Variants in EPHA7 observed in about 807,000 individuals in gnomAD.
EPHA7 encodes the protein ephrin type-A receptor 7.
In EPHA7, 25 loss-of-function variants were observed where a neutral mutation model predicts 112.6. The ratio of observed to expected loss-of-function variants is 0.22; its 90% CI spans 0.16 to 0.31. The LOEUF is 0.31. Among genes scored for constraint, EPHA7 ranks in the 10% least tolerant of loss-of-function variants. The pLI is 1.00. For missense variants in EPHA7, 962 were observed against 1,212.6 expected, an observed-to-expected ratio of 0.79 and a Z score of 3.07; for synonymous variants, 437 against 406.5, an observed-to-expected ratio of 1.07 and a Z score of -0.90.
chr6:93,367,888 C>A (rs1234643583), intron 3 of EPHA7, among the ~76,000 whole-genome samples: 1 of 152,050 alleles, frequency 6.6e-6, no homozygotes, highest in East Asian at 1.9e-4. Flanking sequence ...GTTTTGATCC[C>A]ACTGTAGTTT....
chr6:93,307,274 A>G (rs1335880315), intron 5 of EPHA7, among the ~76,000 whole-genome samples: 3 of 152,090 alleles, frequency 2.0e-5, no homozygotes, highest in Admixed American at 6.6e-5. Flanking sequence ...AAACATAAAT[A>G]CAAAATTCTA....
At chr6:93,275,336 A>G (rs987983779) in intron 5 of EPHA7, among the ~76,000 whole-genome samples, 1 of 151,954 alleles carries the variant, frequency 6.6e-6, no homozygotes. Flanking sequence ...GGAGAAAACA[A>G]ATACTGTATA....
intron 3 of EPHA7, among the ~76,000 whole-genome samples, chr6:93,397,377 A>G (rs1322235649): frequency 1.3e-5 from 2 of 151,920 alleles, no homozygotes; most frequent in East Asian, 3.9e-4. Flanking sequence ...TCTTCTTCCA[A>G]TATGGGAGCC....
chr6:93,356,924 T>A lies in EPHA7; in HGVS notation c.1117A>T (p.Ser373Cys), dbSNP rs1391562093. The A allele has an allele frequency of 6.2e-7, 1 of 1,614,146 alleles. No individual in the cohort carries two copies. Among genetic ancestry groups the A allele is most frequent in the Admixed American group, 1.7e-5 (1 of 60,012 alleles). The change falls in exon 5 of 17, where the codon AGT (serine) becomes TGT (cysteine). Residue 373 changes from serine (S) to cysteine (C), a missense_variant. By Grantham distance (112) the Ser-to-Cys change is moderately radical (BLOSUM62 -1). This residue lies in a region of EPHA7 where 746 missense variants were observed against 889.2 expected (regional missense o/e 0.84). Transcript: ENST00000369303. ...GGAACACATTCGCCCTGCTCCCAAC[T>A]GCACCGCTTACACAATATTCTGTAG... is the stretch of plus-strand genomic sequence containing the variant. Reference protein sequence around the residue: ...VTYRILCKRCSWEQGECVPCG... With the variant: ...VTYRILCKRCCWEQGECVPCG...
At chr6:93,351,515 T>G (rs1230934217) in intron 5 of EPHA7, among the ~76,000 whole-genome samples, 2 of 152,076 alleles carry the variant, frequency 1.3e-5, no homozygotes, top group African/African-American at 4.8e-5. Context: ...TTAAAATAGT[T>G]ATCACTCTCA....
At chr6:93,417,723 G>T (rs1352163898) in intron 1 of EPHA7, among the ~76,000 whole-genome samples, 1 of 152,116 alleles carries the variant, frequency 6.6e-6, no homozygotes, top group African/African-American at 2.4e-5. Context: ...AACGTCAGGG[G>T]AGTAGAAATG....
At chr6:93,333,127 C>G (rs1352960104) in intron 5 of EPHA7, among the ~76,000 whole-genome samples, 1 of 151,746 alleles carries the variant, frequency 6.6e-6, no homozygotes, top group East Asian at 1.9e-4. Context: ...TAAGTGAGAA[C>G]ATGTACCATT....
At position 93,245,414 on chromosome 6, in the gene EPHA7, G is replaced by A; in HGVS notation, c.2766C>T (p.Phe922=). Residue 922 remains phenylalanine, a synonymous_variant, in exon 16 of 17, where the codon TTC becomes TTT. Transcript: ENST00000369303. The part of the protein sequence containing the change: ...SPLLDQNTPD[F]TTFCSVGEWL... ...ATTCTCCAACTGAACAAAAGGTAGT[G>A]AAATCAGGAGTGTTTTGATCCAGAA... 1 of 1,613,720 alleles carries A rather than the reference G, an allele frequency of 6.2e-7. No individual in the cohort carries two copies. The highest frequency in any genetic ancestry group is 8.5e-7 in the Non-Finnish European group (1 of 1,179,876).
intron 5 of EPHA7, among the ~76,000 whole-genome samples, chr6:93,306,301 G>A (rs1773255898): frequency 6.6e-6 from 1 of 151,946 alleles, no homozygotes; most frequent in Admixed American, 6.6e-5. Context: ...GTACAATAAT[G>A]TTAGCTTCTG....
intron 5 of EPHA7, among the ~76,000 whole-genome samples, chr6:93,279,234 G>C (rs1771614331): frequency 6.6e-6 from 1 of 152,004 alleles, no homozygotes; most frequent in Non-Finnish European, 1.5e-5. Context: ...ACAAATATGT[G>C]CATGTTTTAC....
chr6:93,320,739 A>C (rs1345979081), intron 5 of EPHA7, among the ~76,000 whole-genome samples: 1 of 151,936 alleles, frequency 6.6e-6, no homozygotes, highest in African/African-American at 2.4e-5. Flanking sequence ...GGAAAATATA[A>C]TTTGGAAAAT....
At chr6:93,401,778 C>A (rs1280989778) in intron 3 of EPHA7, among the ~76,000 whole-genome samples, 1 of 151,868 alleles carries the variant, frequency 6.6e-6, no homozygotes, top group African/African-American at 2.4e-5. Flanking sequence ...TTTCTGAAAT[C>A]TTTCCTTTGG....
chr6:93,260,597 A>G, intron 9 of EPHA7: 1 of 964,562 alleles, frequency 1.0e-6, no homozygotes, highest in Non-Finnish European at 1.2e-6. Context: ...TGCTTATGTC[A>G]TCACATTAAA....
intron 5 of EPHA7, among the ~76,000 whole-genome samples, chr6:93,274,701 A>G (rs942637131): frequency 1.3e-5 from 2 of 151,872 alleles, no homozygotes; most frequent in African/African-American, 2.4e-5. Flanking sequence ...CGGAAGCACT[A>G]GCACATGGCC....
Position 93,264,574 on chromosome 6 carries a change from A to T in EPHA7, c.1742+20T>A. On this transcript the variant is annotated intron_variant, in intron 8 of 16. Coordinates refer to ENST00000369303, the MANE Select transcript of EPHA7 (RefSeq NM_004440.4). ...AACAATACATTTTATGTTAGAGATT[A>T]GAACAACTTTGTGTTCTACCTTCTC... 6.8e-7 allele frequency: 1 copy of T among 1,480,438 alleles called. No individual in the cohort carries two copies. The highest frequency in any genetic ancestry group is 1.2e-5 in the South Asian group (1 of 85,644). 91.7% of individuals were successfully genotyped at this position (1,480,438 alleles called of 1,614,324 possible).
chr6:93,262,212 C>T (rs1223082078), intron 9 of EPHA7, among the ~76,000 whole-genome samples: 1 of 151,398 alleles, frequency 6.6e-6, no homozygotes, highest in Non-Finnish European at 1.5e-5. Flanking sequence ...AAAATATTCT[C>T]ACATGTTATT....
chr6:93,408,489 C>G (rs1181920769), intron 3 of EPHA7, among the ~76,000 whole-genome samples: 1 of 152,108 alleles, frequency 6.6e-6, no homozygotes, highest in South Asian at 2.1e-4. Context: ...ATGGAAACTG[C>G]AGGATTTTCT....
At chr6:93,356,338 A>G (rs1185541425) in intron 5 of EPHA7, among the ~76,000 whole-genome samples, 1 of 151,596 alleles carries the variant, frequency 6.6e-6, no homozygotes, top group East Asian at 1.9e-4. Flanking sequence ...CTCTCAAGTA[A>G]CTGGGACTAC....
intron 3 of EPHA7, among the ~76,000 whole-genome samples, chr6:93,372,277 T>C (rs1776838345): frequency 6.6e-6 from 1 of 152,144 alleles, no homozygotes; most frequent in Non-Finnish European, 1.5e-5. Context: ...ATAATGAGCA[T>C]ACTACCTATG....
Sources: allele counts gnomAD v4.1 joint callset (sites outside exome capture counted in the v4.1 genomes callset), GRCh38; gene constraint gnomAD v4.1.1; regional missense constraint gnomAD v4.1.1; transcripts MANE v1.5; gene names NCBI Gene and HGNC (gene_info 2026-07-23, HGNC 2026-07-21).